The following LAMC1 variants were observed in gnomAD, a reference collection of about 807,000 sequenced individuals.
LAMC1 encodes laminin subunit gamma-1.
LAMC1 carries 38 observed loss-of-function variants against 173.6 expected under a neutral mutation model. That is an observed-to-expected ratio of 0.22 (90% CI 0.17 to 0.29). The LOEUF is 0.29. Ranked by LOEUF, LAMC1 falls within the 10% of genes least tolerant of loss-of-function variation. LAMC1 has a pLI of 1.00. For missense variants in LAMC1, 1,824 were observed against 2,051.8 expected (o/e 0.89, Z 2.14); for synonymous variants, 746 against 749.1 (o/e 1.00, Z 0.07).
chr1:183,024,430 C>T (rs77348375), intron 1 of LAMC1, among the ~76,000 whole-genome samples: 1 of 152,292 alleles, frequency 6.6e-6, no homozygotes, highest in East Asian at 1.9e-4. Flanking sequence ...TGTGATTTCC[C>T]CCTTTTTTTT....
Position 183,023,552 on chromosome 1 carries a change from C to A in LAMC1, c.-165C>A. On this transcript the variant is annotated 5_prime_UTR_variant, in exon 1 of 28. Transcript: ENST00000258341. ...CAGCGCGGTCCTCGCTAGGGGCGCC[C>A]ACCCGTCAGTCTCTCCGGCGCGAGC... 2.8e-6 allele frequency: 1 copy of A among 356,938 alleles called. No individual in the cohort carries two copies. 22.1% of individuals were successfully genotyped at this position (356,938 alleles called of 1,614,324 possible).
At chr1:183,060,739 A>G (rs2102031522) in intron 1 of LAMC1, among the ~76,000 whole-genome samples, 1 of 152,364 alleles carries the variant, frequency 6.6e-6, no homozygotes, top group South Asian at 2.1e-4. Context: ...AGATGCTTAT[A>G]TGACCGAATG....
chr1:183,107,454 T>C lies in LAMC1; in HGVS notation c.724-822T>C, dbSNP rs936435456. Among the ~76,000 whole-genome samples the C allele has an allele frequency of 1.6e-4, 25 of 152,256 alleles. No homozygotes were observed. In the East Asian group the frequency reaches 4.4e-3, roughly 27 times the overall value. ...ATCCTATTGGTTCAAGCCTAAGTAA[T>C]GATTTATTAGCGAGTACTTGAGCAT... On this transcript the variant is annotated intron_variant, in intron 2 of 27. Transcript: ENST00000258341.
chr1:183,060,027 G>A (rs369141541), intron 1 of LAMC1, among the ~76,000 whole-genome samples: 3 of 152,110 alleles, frequency 2.0e-5, no homozygotes, highest in South Asian at 2.1e-4. Flanking sequence ...GGAAGGAAAC[G>A]TGAGGATTGT....
chr1:183,099,396 C>T (rs1655777453), intron 1 of LAMC1, among the ~76,000 whole-genome samples: 1 of 152,136 alleles, frequency 6.6e-6, no homozygotes, highest in African/African-American at 2.4e-5. Flanking sequence ...GGCCCATTCT[C>T]AATTCCAACC....
chr1:183,064,187 T>G (rs961186047), intron 1 of LAMC1, among the ~76,000 whole-genome samples: 1 of 152,182 alleles, frequency 6.6e-6, no homozygotes, highest in Non-Finnish European at 1.5e-5. Flanking sequence ...CTTCTATATA[T>G]ATGTATATAT....
intron 1 of LAMC1, among the ~76,000 whole-genome samples, chr1:183,084,973 G>A (rs916444771): frequency 2.6e-5 from 4 of 152,124 alleles, no homozygotes; most frequent in African/African-American, 9.7e-5. Flanking sequence ...GGTGGCTCAC[G>A]CCTGTAATCC....
Position 183,114,533 on chromosome 1 carries a change from T to A in LAMC1, c.1024T>A (p.Cys342Ser). 1 of 1,614,224 alleles carries A rather than the reference T, an allele frequency of 6.2e-7. No homozygotes were observed. The highest frequency in any genetic ancestry group is 8.5e-7 in the Non-Finnish European group (1 of 1,180,022). ...AACTCGTGTGTTTTGACTGACAGCC[T>A]GTGATTGCAATGGTCGATCCCAGGA... ...TAESASECLPCDCNGRSQECY... is the reference protein window; with the variant it reads ...TAESASECLPSDCNGRSQECY... Residue 342 changes from cysteine (C) to serine (S), a missense_variant and splice_region_variant, in exon 5 of 28, where the codon TGT becomes AGT. Coordinates refer to ENST00000258341, the MANE Select transcript of LAMC1 (RefSeq NM_002293.4).
chr1:183,087,877 G>A (rs1454305047), intron 1 of LAMC1, among the ~76,000 whole-genome samples: 3 of 151,018 alleles, frequency 2.0e-5, no homozygotes, highest in South Asian at 2.1e-4. Context: ...GCAATGGTGC[G>A]ATGTCGGCTC....
intron 1 of LAMC1, among the ~76,000 whole-genome samples, chr1:183,092,771 G>A (rs1486609215): frequency 1.3e-5 from 2 of 151,978 alleles, no homozygotes; most frequent in African/African-American, 2.4e-5. Context: ...GAACGTCTTT[G>A]TGGATGAAAG....
intron 16 of LAMC1, 105 bp downstream of exon 16, chr1:183,126,367 A>G (rs1656620086): frequency 2.6e-6 from 3 of 1,166,894 alleles, no homozygotes; most frequent in Non-Finnish European, 3.7e-6. Context: ...CTTGACTCAT[A>G]GTCAGGGCTG....
chr1:183,075,329 T>G (rs1655098924), intron 1 of LAMC1, among the ~76,000 whole-genome samples: 1 of 152,136 alleles, frequency 6.6e-6, no homozygotes, highest in Admixed American at 6.6e-5. Flanking sequence ...TTGCCCAGGC[T>G]GGTCTCAAAG....
intron 1 of LAMC1, among the ~76,000 whole-genome samples, chr1:183,061,402 G>A (rs988826317): frequency 2.0e-5 from 3 of 150,948 alleles, no homozygotes; most frequent in Non-Finnish European, 2.9e-5. Flanking sequence ...ATCTGTATAG[G>A]ACTGTGAGCC....
Position 183,103,375 on chromosome 1 carries a change from C to A in LAMC1, c.466C>A (p.Arg156Ser). ...TYVRLKFHTS[R>S]PESFAIYKRT... ...TGTGCGTCTCAAGTTCCACACCAGC[C>A]GCCCGGAGAGCTTTGCCATTTACAA... The change falls in exon 2 of 28, where the codon CGC becomes AGC. Residue 156 changes from arginine to serine, a missense_variant. Arg to Ser is a moderately radical substitution (Grantham distance 110). Transcript: ENST00000258341. 1.9e-6 allele frequency: 3 copies of A among 1,614,148 alleles called. No individual in the cohort carries two copies. Among genetic ancestry groups the A allele is most frequent in the Non-Finnish European group, 2.5e-6 (3 of 1,180,014 alleles).
chr1:183,098,896 C>G (rs906610897), intron 1 of LAMC1, among the ~76,000 whole-genome samples: 7 of 152,196 alleles, frequency 4.6e-5, no homozygotes, highest in African/African-American at 1.7e-4. Flanking sequence ...TCCCTCTCTG[C>G]TGACTCAAAT....
intron 1 of LAMC1, among the ~76,000 whole-genome samples, chr1:183,059,297 GTTA>G (rs1370720880): frequency 1.3e-5 from 2 of 152,210 alleles, no homozygotes; most frequent in African/African-American, 4.8e-5. Flanking sequence ...TGATGGATGG[GTTA>G]TTAATACATT....
At chr1:183,131,190 A>AAAAAC in intron 19 of LAMC1, 109 bp from the exon 20 acceptor site, 1 of 686,434 alleles carries the variant, frequency 1.5e-6, no homozygotes, top group South Asian at 1.7e-5. Flanking sequence ...AAAAAAAAAA[A>AAAAAC]GGTAGAGGCA....
chr1:183,102,069 C>T (rs1398793191), intron 1 of LAMC1, among the ~76,000 whole-genome samples: 4 of 152,182 alleles, frequency 2.6e-5, no homozygotes, highest in Admixed American at 6.5e-5. Context: ...CAGAGCCCCA[C>T]TGTGTTGCAC....
chr1:183,034,148 CATT>C (rs1653913852), intron 1 of LAMC1, among the ~76,000 whole-genome samples: 1 of 152,158 alleles, frequency 6.6e-6, no homozygotes, highest in Non-Finnish European at 1.5e-5. Flanking sequence ...TTCACTCAGA[CATT>C]ATAGTATGGG....
Sources: gnomAD v4.1 joint callset for allele counts (sites outside exome capture counted in the v4.1 genomes callset) on GRCh38, gnomAD v4.1.1 for gene constraint, MANE v1.5 for transcripts, NCBI Gene and HGNC (gene_info 2026-07-23, HGNC 2026-07-21) for gene names.